The following ACAD10 variants were observed in gnomAD, a reference collection of about 807,000 sequenced individuals.
The protein encoded by ACAD10 is acyl-CoA dehydrogenase family member 10.
Under a neutral mutation model 116.8 loss-of-function variants are expected in ACAD10, and 112 were observed. The ratio of observed to expected loss-of-function variants is 0.96; its 90% confidence interval spans 0.82 to 1.12. The LOEUF is 1.12. Among genes scored for constraint, ACAD10 ranks in the 50% most tolerant of loss-of-function variants. ACAD10 has a pLI of 0.00. For missense variants in ACAD10, 1,259 were observed against 1,350.2 expected, an observed-to-expected ratio of 0.93 and a Z score of 1.06; for synonymous variants, 486 against 510.6, an observed-to-expected ratio of 0.95 and a Z score of 0.65.
intron 11 of ACAD10, among the ~76,000 whole-genome samples, chr12:111,736,162 T>A (rs1230186511): frequency 2.0e-5 from 3 of 149,972 alleles, no homozygotes; most frequent in Non-Finnish European, 4.4e-5. Context: ...ATTAGAGGCA[T>A]GAGCCACTGC....
chr12:111,729,728 C>G (rs1889331490), intron 9 of ACAD10, 78 bp from the exon 10 acceptor site: 1 of 1,544,890 alleles, frequency 6.5e-7, no homozygotes, highest in Non-Finnish European at 8.8e-7. Flanking sequence ...CAAAGGGTTT[C>G]ACTGCACTGG....
chr12:111,738,279 C>G (rs1889633108), intron 12 of ACAD10, among the ~76,000 whole-genome samples: 1 of 151,864 alleles, frequency 6.6e-6, no homozygotes, highest in Admixed American at 6.6e-5. Context: ...AACTGTGTCT[C>G]TACTAAAAAT....
intron 6 of ACAD10, among the ~76,000 whole-genome samples, chr12:111,714,990 A>G (rs1427980823): frequency 1.3e-5 from 2 of 152,182 alleles, no homozygotes; most frequent in African/African-American, 4.8e-5. Flanking sequence ...TGCTGGGATT[A>G]CATGAGCCTC....
chr12:111,751,390 C>T (rs983834416), intron 18 of ACAD10, among the ~76,000 whole-genome samples: 1 of 152,062 alleles, frequency 6.6e-6, no homozygotes, highest in Non-Finnish European at 1.5e-5. Context: ...ATTGCTTGAG[C>T]CCAGGAATTT....
intron 7 of ACAD10, among the ~76,000 whole-genome samples, chr12:111,716,469 A>C (rs186858640): frequency 2.5e-4 from 38 of 152,372 alleles, no homozygotes; most frequent in African/African-American, 8.9e-4. Context: ...CAGACCTAAT[A>C]ATTCCAATTC....
intron 4 of ACAD10, among the ~76,000 whole-genome samples, chr12:111,709,204 A>G (rs1566147045): frequency 6.6e-6 from 1 of 152,186 alleles, no homozygotes; most frequent in Non-Finnish European, 1.5e-5. Flanking sequence ...GAGCTAAGAT[A>G]GGTACGATGA....
intron 10 of ACAD10, among the ~76,000 whole-genome samples, chr12:111,732,838 A>G (rs1889429084): frequency 6.6e-6 from 1 of 152,238 alleles, no homozygotes; most frequent in African/African-American, 2.4e-5. Flanking sequence ...GCTACTCTAC[A>G]ACAAACTTTG....
Position 111,728,001 on chromosome 12 carries a change from A to G in ACAD10, c.1101A>G (p.Pro367=), listed in dbSNP as rs1437786269. The G allele has an allele frequency of 1.2e-6, 2 of 1,613,988 alleles. No homozygotes were observed. The highest frequency in any genetic ancestry group is 2.2e-5 in the South Asian group (2 of 91,064). ...CCTTCTATGTGATGGAGTACTGCCC[A>G]GGTCTCATCTACAAAGACCCTTCCC... ...GTPFYVMEYC[P]GLIYKDPSLP... is the part of the protein sequence containing the mutation. The change falls in exon 9 of 21, where the codon CCA becomes CCG. Residue 367 remains proline, a synonymous_variant. Transcript: ENST00000313698.
chr12:111,746,091 A>C, intron 13 of ACAD10, 53 bp from the exon 14 acceptor site: 1 of 1,591,434 alleles, frequency 6.3e-7, no homozygotes, highest in Non-Finnish European at 8.5e-7. Flanking sequence ...CCACGGTTCA[A>C]AATAAAATGA....
chr12:111,742,152 T>C (rs1032181339), intron 12 of ACAD10, among the ~76,000 whole-genome samples: 2 of 152,100 alleles, frequency 1.3e-5, no homozygotes, highest in Admixed American at 1.3e-4. Flanking sequence ...AAGCAATAGA[T>C]CTAAATCAAT....
At position 111,754,005 on chromosome 12, in the gene ACAD10, G is replaced by C. The variant is rs911421262; in HGVS notation, c.2961+90G>C. 4.1e-6 allele frequency: 6 copies of C among 1,462,738 alleles called. No individual in the cohort carries two copies. In the African/African-American group the frequency reaches 5.7e-5, roughly 14 times the overall value. The allele number at this position is 1,462,738 out of a possible 1,614,324, so 90.6% of individuals were successfully genotyped here. ...ATGAGAGCCTGGCTTCTTGACATTAGAAACTTTATTTCACCTCTACTTGGA... is the reference window on the plus strand; with the variant it reads ...ATGAGAGCCTGGCTTCTTGACATTACAAACTTTATTTCACCTCTACTTGGA... On this transcript the variant is annotated intron_variant, in intron 19 of 20. Coordinates refer to ENST00000313698, the MANE Select transcript of ACAD10 (RefSeq NM_025247.6).
intron 11 of ACAD10, among the ~76,000 whole-genome samples, chr12:111,735,612 C>T (rs563764755): frequency 2.0e-5 from 3 of 151,972 alleles, no homozygotes; most frequent in East Asian, 3.9e-4. Flanking sequence ...CCCACCACCA[C>T]GCCCGGCTAA....
intron 8 of ACAD10, 157 bp downstream of exon 8, chr12:111,721,896 A>G: frequency 2.0e-6 from 1 of 494,264 alleles, no homozygotes; most frequent in South Asian, 4.6e-5. Flanking sequence ...CAGATATTTA[A>G]GTTATCCTGC....
At chr12:111,738,814 T>G (rs1203606578) in intron 12 of ACAD10, among the ~76,000 whole-genome samples, 1 of 152,078 alleles carries the variant, frequency 6.6e-6, no homozygotes, top group Non-Finnish European at 1.5e-5. Flanking sequence ...GAGGTTGCAG[T>G]GAGCTGAGAT....
intron 16 of ACAD10, 31 bp downstream of exon 16, chr12:111,747,416 C>T: frequency 6.2e-7 from 1 of 1,612,312 alleles, no homozygotes; most frequent in South Asian, 1.1e-5. Flanking sequence ...TTTCCAAATG[C>T]ACATCAGGGA....
chr12:111,699,174 C>G (rs905018557), intron 2 of ACAD10, among the ~76,000 whole-genome samples: 1 of 152,198 alleles, frequency 6.6e-6, no homozygotes, highest in Admixed American at 6.5e-5. Context: ...CATGAGTCAC[C>G]ACGCCCAGCC....
intron 4 of ACAD10, among the ~76,000 whole-genome samples, chr12:111,706,930 C>T (rs547109492): frequency 8.0e-4 from 120 of 150,166 alleles, no homozygotes; most frequent in African/African-American, 2.9e-3. Context: ...TGCACCACCA[C>T]CCCTGGCACC....
chr12:111,689,799 T>A (rs1887984466), intron 1 of ACAD10, among the ~76,000 whole-genome samples: 1 of 151,720 alleles, frequency 6.6e-6, no homozygotes, highest in African/African-American at 2.4e-5. Flanking sequence ...CACTGCAAGC[T>A]CCGCCTCCCC....
chr12:111,744,088 A>G (rs956806332), intron 12 of ACAD10, among the ~76,000 whole-genome samples: 18 of 152,132 alleles, frequency 1.2e-4, no homozygotes, highest in Non-Finnish European at 2.5e-4. Context: ...GTTTGTAAAA[A>G]AAGTCTTGAT....
Sources: gnomAD v4.1 joint callset for allele counts (sites outside exome capture counted in the v4.1 genomes callset) on GRCh38, gnomAD v4.1.1 for gene constraint, MANE v1.5 for transcripts, NCBI Gene and HGNC (gene_info 2026-07-23, HGNC 2026-07-21) for gene names.